The following ACSF3 variants were observed in gnomAD, a reference collection of about 807,000 sequenced individuals.
The protein encoded by ACSF3 is acyl-CoA synthetase family member 3, also known as malonate--CoA ligase ACSF3, mitochondrial.
In ACSF3, 78 loss-of-function variants were observed where a neutral mutation model predicts 53.2. The observed-to-expected ratio is 1.47, with a 90% CI of 1.22 to 1.77. ACSF3 has a LOEUF of 1.77. Among genes scored for constraint, ACSF3 ranks in the 40% most tolerant of loss-of-function variants. ACSF3 has a pLI of 0.00. For synonymous variants in ACSF3, 414 were observed against 333.1 expected, an observed-to-expected ratio of 1.24 and a Z score of -2.65; for missense variants, 937 against 771.1, an observed-to-expected ratio of 1.22 and a Z score of -2.55.
At position 89,110,143 on chromosome 16, in the gene ACSF3, T is replaced by A. The variant is rs758445213; in HGVS notation, c.823-1949T>A. On this transcript the variant is annotated intron_variant, in intron 4 of 10. Transcript: ENST00000614302. ...GAAATTCATTTTATAAAAAAAATTT[T>A]AAAAATAAATTCATTTTATCAATTT... 1.3e-3 allele frequency among the ~76,000 whole-genome samples: 191 copies of A among 152,380 alleles called. 2 individuals carry two copies. The highest frequency in any genetic ancestry group is 0.01 in the Middle Eastern group (3 of 294).
chr16:89,114,643 A>C (rs1361104451), intron 6 of ACSF3, 156 bp downstream of exon 6: 1 of 1,070,878 alleles, frequency 9.3e-7, no homozygotes, highest in East Asian at 2.6e-5. Flanking sequence ...CTCAGGATGC[A>C]CTGCGACCTG....
At chr16:89,127,696 T>C (rs1908427735) in intron 7 of ACSF3, among the ~76,000 whole-genome samples, 1 of 152,198 alleles carries the variant, frequency 6.6e-6, no homozygotes, top group Non-Finnish European at 1.5e-5. Context: ...AAAAGAACTA[T>C]GAATTCAATT....
rs971115588 is a variant in ACSF3, at chr16:89,155,579, C to T, written c.*1372C>T. The T allele has an allele frequency of 4.4e-6, 2 of 454,016 alleles. No individual in the cohort carries two copies. Among genetic ancestry groups the T allele is most frequent in the Admixed American group, 4.7e-5 (2 of 42,560 alleles). The allele number at this position is 454,016 out of a possible 1,614,324, so 28.1% of individuals were successfully genotyped here. Reference sequence around the variant, plus strand: ...GTGTGGCCTTGTGCATCCCCATGGCCTGACCCCGGGAACAGTCAGAGGAAG... The same window carrying T: ...GTGTGGCCTTGTGCATCCCCATGGCTTGACCCCGGGAACAGTCAGAGGAAG... On this transcript the variant is annotated 3_prime_UTR_variant, in exon 11 of 11. Coordinates refer to ENST00000614302, the MANE Select transcript of ACSF3 (RefSeq NM_001243279.3).
At chr16:89,125,476 T>G (rs540246074) in intron 7 of ACSF3, among the ~76,000 whole-genome samples, 4 of 152,106 alleles carry the variant, frequency 2.6e-5, no homozygotes, top group African/African-American at 9.6e-5. Context: ...GCTAATCAAC[T>G]TGAGACCAGG....
chr16:89,146,597 A>T (rs1019292957), intron 10 of ACSF3, among the ~76,000 whole-genome samples: 1 of 152,160 alleles, frequency 6.6e-6, no homozygotes, highest in Non-Finnish European at 1.5e-5. Flanking sequence ...ACCTCCAGTC[A>T]GTTCCACGGA....
chr16:89,101,311 G>A lies in ACSF3; in HGVS notation c.630G>A (p.Lys210=). ...IYTSGTTGRP[K]GVLSTHQNIR... ...CCAGTGGGACCACGGGGAGGCCCAA[G>A]GGCGTGCTGAGCACGCACCAAAACA... is the stretch of plus-strand genomic sequence containing the variant. Residue 210 remains lysine (K), a synonymous_variant, in exon 3 of 11, where the codon AAG becomes AAA. Transcript: ENST00000614302. The A allele has an allele frequency of 6.3e-7, 1 of 1,599,684 alleles. No individual in the cohort carries two copies. Among genetic ancestry groups the A allele is most frequent in the East Asian group, 2.3e-5 (1 of 44,116 alleles).
chr16:89,111,582 G>A (rs1976680949), intron 4 of ACSF3, among the ~76,000 whole-genome samples: 3 of 152,272 alleles, frequency 2.0e-5, no homozygotes, highest in African/African-American at 7.2e-5. Context: ...TGGGCGACGC[G>A]AGAACCCGCT....
In ACSF3 at chr16:89,112,221, C is replaced by A. The variant is rs745453668; in HGVS notation, c.952C>A (p.Arg318Ser). Residue 318 changes from arginine to serine, a missense_variant, in exon 5 of 11, where the codon CGT becomes AGT. Physicochemically the swap from Arg to Ser is moderately radical, Grantham distance 110. Transcript: ENST00000614302. ...FTQPHAQDFL[R>S]AVCEEKIRLM... ...CCAGCCGCACGCCCAGGATTTCTTG[C>A]GTGCAGTTTGTGAAGAAAAAATTAG... 6.2e-7 allele frequency: 1 copy of A among 1,614,144 alleles called. No individual in the cohort carries two copies. The highest frequency in any genetic ancestry group is 1.7e-5 in the Admixed American group (1 of 60,020).
intron 8 of ACSF3, chr16:89,141,249 T>C (rs771878866): frequency 7.8e-7 from 1 of 1,287,236 alleles, no homozygotes; most frequent in Admixed American, 2.3e-5. Context: ...CAGCCACTTT[T>C]CCCCTTGGCA....
intron 6 of ACSF3, among the ~76,000 whole-genome samples, chr16:89,118,459 AC>A (rs950744654): frequency 1.3e-5 from 2 of 152,074 alleles, no homozygotes; most frequent in African/African-American, 4.8e-5. Flanking sequence ...TCAGGCTCTA[AC>A]CCCCACCCTG....
At chr16:89,107,003 G>T (rs1171034084) in intron 4 of ACSF3, among the ~76,000 whole-genome samples, 1 of 152,244 alleles carries the variant, frequency 6.6e-6, no homozygotes, top group East Asian at 1.9e-4. Flanking sequence ...CAACAGCACT[G>T]CCCTGGCCGA....
At chr16:89,133,848 C>A (rs543616165) in intron 8 of ACSF3, among the ~76,000 whole-genome samples, 1 of 152,346 alleles carries the variant, frequency 6.6e-6, no homozygotes, top group Non-Finnish European at 1.5e-5. Flanking sequence ...ACCTGCCCAC[C>A]TGATTGAGGT....
Position 89,102,638 on chromosome 16 carries a change from A to C in ACSF3, c.701A>C (p.Lys234Thr). The C allele has an allele frequency of 6.2e-7, 1 of 1,613,780 alleles. No homozygotes were observed. ...TGLVHKWAWT[K>T]DDVILHVLPL... ...CTGGTCCACAAGTGGGCATGGACCAAAGACGACGTGATCCTCCACGTGCTC... is the reference window on the plus strand; with the variant it reads ...CTGGTCCACAAGTGGGCATGGACCACAGACGACGTGATCCTCCACGTGCTC... Residue 234 changes from lysine (K) to threonine (T), a missense_variant, in exon 4 of 11, where the codon AAA becomes ACA. Physicochemically the swap from Lys to Thr is moderately conservative, Grantham distance 78 (BLOSUM62 -1). Coordinates refer to ENST00000614302, the MANE Select transcript of ACSF3 (RefSeq NM_001243279.3).
intron 1 of ACSF3, among the ~76,000 whole-genome samples, chr16:89,097,523 T>C (rs1974765927): frequency 6.6e-6 from 1 of 152,222 alleles, no homozygotes. Flanking sequence ...GTTTTCTGTG[T>C]GTGGATTCTC....
At chr16:89,094,172 GC>G (rs1316340949) in intron 1 of ACSF3, among the ~76,000 whole-genome samples, 176 bp downstream of exon 1, 1 of 151,644 alleles carries the variant, frequency 6.6e-6, no homozygotes, top group African/African-American at 2.4e-5. Context: ...GGGACGCCGA[GC>G]CTCTCGTGTC....
chr16:89,107,940 G>T (rs1976209634), intron 4 of ACSF3, among the ~76,000 whole-genome samples: 1 of 152,210 alleles, frequency 6.6e-6, no homozygotes, highest in Non-Finnish European at 1.5e-5. Flanking sequence ...AAGAAAAAGA[G>T]GTTTAATTGG....
intron 8 of ACSF3, among the ~76,000 whole-genome samples, chr16:89,135,350 G>T (rs1910214496): frequency 1.3e-5 from 2 of 152,232 alleles, no homozygotes; most frequent in African/African-American, 4.8e-5. Flanking sequence ...GGTCCCAGAG[G>T]CCCTGGAGCA....
chr16:89,139,135 G>A lies in ACSF3; in HGVS notation c.1366+5873G>A, dbSNP rs564835423. Reference sequence around the variant, plus strand: ...GCACTATTGAGACTATGGAGTCGCCGCTGAGAACTGAGCCCAGGAGACACT... The same window carrying A: ...GCACTATTGAGACTATGGAGTCGCCACTGAGAACTGAGCCCAGGAGACACT... On this transcript the variant is annotated intron_variant, in intron 8 of 10. Transcript: ENST00000614302. 1.7e-3 allele frequency among the ~76,000 whole-genome samples: 262 copies of A among 152,288 alleles called. 1 individual carries two copies. The highest frequency in any genetic ancestry group is 6.0e-3 in the African/African-American group (251 of 41,552).
intron 3 of ACSF3, chr16:89,102,257 C>G (rs994466627): frequency 1.6e-5 from 6 of 382,768 alleles, no homozygotes; most frequent in African/African-American, 1.2e-4. Context: ...GGAGTCGATT[C>G]CAGCCTGAAT....
Sources: allele counts gnomAD v4.1 joint callset (sites outside exome capture counted in the v4.1 genomes callset), GRCh38; gene constraint gnomAD v4.1.1; transcripts MANE v1.5; gene names NCBI Gene and HGNC (gene_info 2026-07-23, HGNC 2026-07-21).